TRIM33: variants seen among roughly 807,000 people sequenced by gnomAD.
The protein encoded by TRIM33 is E3 ubiquitin-protein ligase TRIM33.
TRIM33 carries 20 observed loss-of-function variants against 125.4 expected under a neutral mutation model. The ratio of observed to expected loss-of-function variants is 0.16; its 90% CI spans 0.11 to 0.23. TRIM33 has a LOEUF of 0.23. TRIM33 is among the 10% of genes least tolerant of loss of function. The pLI is 1.00. For missense variants in TRIM33, 920 were observed against 1,411.4 expected (o/e 0.65, Z 5.58); for synonymous variants, 564 against 513.9 (o/e 1.10, Z -1.32).
chr1:114,490,767 C>T (rs1488462286), intron 1 of TRIM33: 1 of 152,124 alleles, frequency 6.6e-6, no homozygotes. Context: ...ATTGTTCAGT[C>T]AGTTACAGAT....
chr1:114,473,147 C>T (rs1193321880), intron 1 of TRIM33, among the ~76,000 whole-genome samples: 3 of 151,550 alleles, frequency 2.0e-5, no homozygotes, highest in Non-Finnish European at 2.9e-5. Flanking sequence ...GTCCCAGCTA[C>T]TCAGGAGGCT....
At chr1:114,416,697 A>G (rs1652962950) in intron 11 of TRIM33, among the ~76,000 whole-genome samples, 1 of 152,236 alleles carries the variant, frequency 6.6e-6, no homozygotes, top group South Asian at 2.1e-4. Context: ...TCTACATTTG[A>G]GTCTTAAACT....
intron 4 of TRIM33, among the ~76,000 whole-genome samples, chr1:114,443,198 A>G (rs1171243252): frequency 3.3e-5 from 5 of 151,864 alleles, no homozygotes. Context: ...CCTGGCCAAC[A>G]TAGTGAAACC....
intron 4 of TRIM33, among the ~76,000 whole-genome samples, chr1:114,455,827 C>T (rs971027158): frequency 6.6e-6 from 1 of 152,134 alleles, no homozygotes. Flanking sequence ...AGCAACCTGA[C>T]CTCAAATTGC....
At chr1:114,489,933 T>C (rs1489465186) in intron 1 of TRIM33, among the ~76,000 whole-genome samples, 2 of 151,514 alleles carry the variant, frequency 1.3e-5, no homozygotes, top group Non-Finnish European at 2.9e-5. Flanking sequence ...AAATAGAAGA[T>C]AGCGCTAAAT....
chr1:114,497,463 A>T (rs1652440355), intron 1 of TRIM33, among the ~76,000 whole-genome samples: 1 of 151,222 alleles, frequency 6.6e-6, no homozygotes, highest in Non-Finnish European at 1.5e-5. Flanking sequence ...CACCCAGCGA[A>T]TTTTTTTTTG....
chr1:114,433,620 T>C lies in TRIM33; in HGVS notation c.1037A>G (p.Asn346Ser). 1 of 1,598,174 alleles carries C rather than the reference T, an allele frequency of 6.3e-7. No homozygotes were observed. Among genetic ancestry groups the C allele is most frequent in the Non-Finnish European group, 8.5e-7 (1 of 1,169,624 alleles). ...GGTTTTAAGGCAACAAACTTACCTA[T>C]TCTGCACCTGAGTAGCTGCAAAATG... Reference protein sequence around the residue: ...YVHFAATQVQNRIKEVNETNK... With the variant: ...YVHFAATQVQSRIKEVNETNK... The change falls in exon 5 of 20, where the codon AAT becomes AGT. Residue 346 changes from asparagine to serine, a missense_variant. Physicochemically the swap from Asn to Ser is conservative, Grantham distance 46 (BLOSUM62 1). Around this residue, in one of 8 missense-constraint regions of TRIM33, gnomAD observed 50 missense variants for 110.8 expected, o/e 0.45. Coordinates refer to ENST00000358465, the MANE Select transcript of TRIM33 (RefSeq NM_015906.4).
rs1572039258 is a variant in TRIM33 at position 114,425,697 on chromosome 1, C to G, written c.1447G>C (p.Ala483Pro). ...ACAACATTAGGAGTATAACCAGGAG[C>G]TGGTTTACTCTCTATTACTAGATTA... ...LGNLVIESKP[A>P]PGYTPNVVVG... The change falls in exon 9 of 20, where the codon GCT (alanine) becomes CCT (proline). Residue 483 changes from alanine (A) to proline (P), a missense_variant. Transcript: ENST00000358465. The G allele has an allele frequency of 6.2e-7, 1 of 1,612,284 alleles. No homozygotes were observed. Among genetic ancestry groups the G allele is most frequent in the Non-Finnish European group, 8.5e-7 (1 of 1,179,224 alleles).
At chr1:114,450,135 T>C (rs1224445386) in intron 4 of TRIM33, among the ~76,000 whole-genome samples, 1 of 152,186 alleles carries the variant, frequency 6.6e-6, no homozygotes, top group African/African-American at 2.4e-5. Flanking sequence ...CTCACGCCTG[T>C]AACCCCAGCT....
intron 1 of TRIM33, among the ~76,000 whole-genome samples, chr1:114,480,184 A>AC (rs1180796098): frequency 2.6e-5 from 4 of 152,026 alleles, no homozygotes; most frequent in African/African-American, 9.7e-5. Context: ...CTTGCCCCCA[A>AC]CCCTGTGCTC....
At chr1:114,484,943 T>C (rs890402606) in intron 1 of TRIM33, among the ~76,000 whole-genome samples, 2 of 151,718 alleles carry the variant, frequency 1.3e-5, no homozygotes, top group African/African-American at 4.8e-5. Context: ...TCCCACCTAC[T>C]CGGGAGGCTG....
intron 1 of TRIM33, among the ~76,000 whole-genome samples, chr1:114,502,887 T>C (rs975304316): frequency 2.0e-5 from 3 of 152,174 alleles, no homozygotes; most frequent in African/African-American, 7.2e-5. Flanking sequence ...AGAGTGTCAT[T>C]GTGATACATT....
intron 1 of TRIM33, among the ~76,000 whole-genome samples, chr1:114,478,499 TG>T (rs1651108471): frequency 6.6e-6 from 1 of 151,966 alleles, no homozygotes; most frequent in African/African-American, 2.4e-5. Context: ...CATGGCTAAT[TG>T]GGACACTGCA....
intron 4 of TRIM33, among the ~76,000 whole-genome samples, chr1:114,443,950 T>G (rs1648816964): frequency 6.6e-6 from 1 of 152,068 alleles, no homozygotes; most frequent in Admixed American, 6.6e-5. Context: ...GGTACCAGAC[T>G]AGCCCTTGTC....
intron 1 of TRIM33, among the ~76,000 whole-genome samples, chr1:114,491,002 G>A (rs1652027877): frequency 6.6e-6 from 1 of 152,110 alleles, no homozygotes; most frequent in Non-Finnish European, 1.5e-5. Context: ...TAAGTCTGGG[G>A]GGAATGGTTT....
chr1:114,430,938 G>T, intron 5 of TRIM33, 26 bp from the exon 6 acceptor site: 1 of 1,268,622 alleles, frequency 7.9e-7, no homozygotes, highest in African/African-American at 1.5e-5. Context: ...GCATCATTAG[G>T]TTATCAACTT....
intron 1 of TRIM33, among the ~76,000 whole-genome samples, chr1:114,484,713 A>C (rs1241473763): frequency 6.6e-6 from 1 of 152,056 alleles, no homozygotes; most frequent in Non-Finnish European, 1.5e-5. Context: ...AAATAAAGAA[A>C]AATTAGCCAG....
chr1:114,397,157 T>C lies in TRIM33; in HGVS notation c.*491A>G, dbSNP rs930523063. On this transcript the variant is annotated 3_prime_UTR_variant, in exon 20 of 20. Transcript: ENST00000358465. ...ATGCAAATCTGCACTGACATTAAAG[T>C]AGAATCTGAGCTACTTGGGTTTTTA... 2.2e-5 allele frequency: 5 copies of C among 229,824 alleles called. No homozygotes were observed. The highest frequency in any genetic ancestry group is 4.3e-5 in the Non-Finnish European group (5 of 115,490). 14.2% of individuals were successfully genotyped at this position (229,824 alleles called of 1,614,324 possible).
At chr1:114,489,973 G>C (rs559736847) in intron 1 of TRIM33, among the ~76,000 whole-genome samples, 20 of 151,310 alleles carry the variant, frequency 1.3e-4, no homozygotes, top group African/African-American at 4.8e-4. Context: ...CGTCAGGGCT[G>C]GCCATGGTGG....
Sources: allele counts gnomAD v4.1 joint callset (sites outside exome capture counted in the v4.1 genomes callset), GRCh38; gene constraint gnomAD v4.1.1; regional missense constraint gnomAD v4.1.1; transcripts MANE v1.5; gene names NCBI Gene and HGNC (gene_info 2026-07-23, HGNC 2026-07-21).